Variants in UBE2F observed in about 807,000 individuals in gnomAD.
The protein encoded by UBE2F is NEDD8-conjugating enzyme UBE2F.
Under a neutral mutation model 29.6 loss-of-function variants are expected in UBE2F, and 5 were observed. The observed-to-expected ratio is 0.17, with a 90% CI of 0.09 to 0.36. UBE2F has a LOEUF of 0.36. UBE2F is among the 10% of genes least tolerant of loss of function. The pLI is 1.00. For missense variants in UBE2F, 141 were observed against 228.5 expected, an observed-to-expected ratio of 0.62 and a Z score of 2.47; for synonymous variants, 66 against 81.8, an observed-to-expected ratio of 0.81 and a Z score of 1.04.
intron 3 of UBE2F, among the ~76,000 whole-genome samples, chr2:237,992,215 C>T (rs1265793980): frequency 6.6e-6 from 1 of 152,092 alleles, no homozygotes; most frequent in Admixed American, 6.5e-5. Flanking sequence ...TATTGATTTC[C>T]GCATCTGTCT....
At chr2:237,973,572 G>A in intron 2 of UBE2F, 2 of 789,254 alleles carry the variant, frequency 2.5e-6, no homozygotes, top group Non-Finnish European at 3.8e-6. Context: ...CTGATTCTCA[G>A]CACCATAGTT....
chr2:238,010,035 C>T (rs537527478), intron 4 of UBE2F, among the ~76,000 whole-genome samples: 2 of 152,092 alleles, frequency 1.3e-5, no homozygotes, highest in South Asian at 4.1e-4. Flanking sequence ...TTTCTCCTGG[C>T]ACTCATGTTT....
intron 8 of UBE2F, chr2:238,035,416 A>T (rs892309493): frequency 4.4e-5 from 8 of 183,270 alleles, no homozygotes; most frequent in Non-Finnish European, 1.1e-5. Context: ...TTGGCTGTGC[A>T]TGGGAGGCTT....
At chr2:237,989,727 G>A (rs931198794) in intron 3 of UBE2F, among the ~76,000 whole-genome samples, 1 of 152,128 alleles carries the variant, frequency 6.6e-6, no homozygotes, top group African/African-American at 2.4e-5. Context: ...TTCTTACTGT[G>A]GATCTCAGTT....
rs75499590 is a variant in UBE2F at position 237,985,175 on chromosome 2, A to G, written c.119-2788A>G. On this transcript the variant is annotated intron_variant, in intron 2 of 9. Transcript: ENST00000272930. The stretch of plus-strand genomic sequence containing the variant: ...TAAACATAGTAGTAGGTTGTTTACT[A>G]CAGTCAGGTGAATTAATATATTCAT... Among the ~76,000 whole-genome samples, 35 of 152,292 alleles carry G rather than the reference A, an allele frequency of 2.3e-4. No individual in the cohort carries two copies. The East Asian group carries it at 5.8e-3, about 25-fold the overall frequency.
At chr2:237,974,468 G>T (rs1436116404) in intron 2 of UBE2F, among the ~76,000 whole-genome samples, 1 of 149,354 alleles carries the variant, frequency 6.7e-6, no homozygotes, top group Non-Finnish European at 1.5e-5. Flanking sequence ...GGGATTACAG[G>T]CATGAGCCAC....
intron 4 of UBE2F, among the ~76,000 whole-genome samples, chr2:237,999,486 T>A (rs2063750634): frequency 6.6e-6 from 1 of 152,228 alleles, no homozygotes; most frequent in African/African-American, 2.4e-5. Flanking sequence ...CCTATGTTTT[T>A]TTCCTAGAAG....
At chr2:238,025,281 C>T (rs2064396075) in intron 5 of UBE2F, 61 bp from the exon 6 acceptor site, 2 of 1,436,432 alleles carry the variant, frequency 1.4e-6, no homozygotes, top group East Asian at 2.3e-5. Context: ...AAGGCTCTGG[C>T]CTGGAGATGT....
At chr2:238,000,648 A>G (rs2063774378) in intron 4 of UBE2F, among the ~76,000 whole-genome samples, 1 of 152,216 alleles carries the variant, frequency 6.6e-6, no homozygotes, top group Admixed American at 6.5e-5. Flanking sequence ...TTCATTTGCC[A>G]GTATGTTTTT....
At chr2:237,990,691 G>A (rs1355481554) in intron 3 of UBE2F, 5 of 160,234 alleles carry the variant, frequency 3.1e-5, no homozygotes, top group Admixed American at 2.5e-4. Context: ...AACCCAGGAG[G>A]CGGAGCTTGC....
chr2:238,028,215 G>A (rs895929707), intron 6 of UBE2F, among the ~76,000 whole-genome samples: 8 of 152,184 alleles, frequency 5.3e-5, no homozygotes, highest in Admixed American at 2.0e-4. Context: ...TGCTGGGGCC[G>A]GCCTTGCCTC....
rs112125889 is a variant in UBE2F, at chr2:238,016,822, G to A, written c.282+189G>A. Among the ~76,000 whole-genome samples the A allele has an allele frequency of 1.7e-3, 261 of 150,016 alleles. 2 individuals are homozygous for A. The highest frequency in any genetic ancestry group is 6.1e-3 in the African/African-American group (246 of 40,626). ...ATTTAGAGTGTTAGTAGAGAATTCC[G>A]TTTATTCAGCAAATACTTATGAGTA... On this transcript the variant is annotated intron_variant, in intron 5 of 9. Transcript: ENST00000272930.
intron 2 of UBE2F, among the ~76,000 whole-genome samples, chr2:237,983,214 A>G (rs1348682192): frequency 6.6e-6 from 1 of 152,192 alleles, no homozygotes; most frequent in Non-Finnish European, 1.5e-5. Flanking sequence ...TTAGTCACAG[A>G]ACTTGCTCTA....
At chr2:238,012,045 T>C (rs1212507124) in intron 4 of UBE2F, among the ~76,000 whole-genome samples, 1 of 4,622 alleles carries the variant, frequency 2.2e-4, no homozygotes, top group Non-Finnish European at 5.1e-4. Context: ...CACCTGGCAA[T>C]TTTTTTTTTT....
intron 2 of UBE2F, among the ~76,000 whole-genome samples, chr2:237,975,909 C>G (rs1194288714): frequency 6.6e-6 from 1 of 150,922 alleles, no homozygotes; most frequent in Non-Finnish European, 1.5e-5. Flanking sequence ...AAGTGCTGGA[C>G]TAACAGGCAT....
intron 2 of UBE2F, among the ~76,000 whole-genome samples, chr2:237,981,911 G>A (rs896321087): frequency 3.5e-4 from 53 of 152,208 alleles, no homozygotes; most frequent in Admixed American, 7.2e-4. Context: ...ATAGGCATGA[G>A]CGCTGGGAGA....
intron 2 of UBE2F, among the ~76,000 whole-genome samples, chr2:237,974,601 C>T (rs1349085276): frequency 6.7e-6 from 1 of 150,260 alleles, no homozygotes; most frequent in Non-Finnish European, 1.5e-5. Flanking sequence ...GCAACCTCTG[C>T]CCCCAGGGTT....
At chr2:238,030,892 C>A (rs1232112781) in intron 7 of UBE2F, among the ~76,000 whole-genome samples, 1 of 152,212 alleles carries the variant, frequency 6.6e-6, no homozygotes, top group African/African-American at 2.4e-5. Context: ...AAACCACCCG[C>A]CACATAGGAA....
intron 4 of UBE2F, among the ~76,000 whole-genome samples, chr2:238,015,037 A>T (rs1432829640): frequency 6.6e-6 from 1 of 152,230 alleles, no homozygotes; most frequent in Non-Finnish European, 1.5e-5. Flanking sequence ...TAGGAAAAAA[A>T]ATACGACCTT....
Sources: gnomAD v4.1 joint callset for allele counts (sites outside exome capture counted in the v4.1 genomes callset) on GRCh38, gnomAD v4.1.1 for gene constraint, MANE v1.5 for transcripts, NCBI Gene and HGNC (gene_info 2026-07-23, HGNC 2026-07-21) for gene names.